The following WDR43 variants were observed in gnomAD, a reference collection of about 807,000 sequenced individuals.
WDR43 encodes WD repeat-containing protein 43.
WDR43 carries 13 observed loss-of-function variants against 91.4 expected under a neutral mutation model. The observed-to-expected ratio is 0.14, with a 90% CI of 0.09 to 0.23. The LOEUF is 0.23. Ranked by LOEUF, WDR43 falls within the 10% of genes least tolerant of loss-of-function variation. The probability of loss-of-function intolerance (pLI) is 1.00; values close to 1 mark genes in which losing one functional copy is unlikely to be tolerated. For synonymous variants in WDR43, 331 were observed against 287.9 expected (o/e 1.15, Z -1.51); for missense variants, 780 against 809.4 (o/e 0.96, Z 0.44).
chr2:28,943,112 T>C (rs1323629838), intron 16 of WDR43, among the ~76,000 whole-genome samples: 3 of 152,206 alleles, frequency 2.0e-5, no homozygotes, highest in Admixed American at 6.5e-5. Flanking sequence ...GAAGGTTATT[T>C]GATCAGGCCT....
chr2:28,907,018 C>T (rs1390153988), intron 3 of WDR43, among the ~76,000 whole-genome samples: 1 of 152,128 alleles, frequency 6.6e-6, no homozygotes, highest in East Asian at 1.9e-4. Flanking sequence ...CAAACTAATT[C>T]AGAGGAGGGA....
At chr2:28,906,652 C>A (rs552727368) in intron 3 of WDR43, 71 bp downstream of exon 3, 4 of 1,527,370 alleles carry the variant, frequency 2.6e-6, no homozygotes, top group African/African-American at 1.4e-5. Context: ...GGAATGCAGA[C>A]ATTAATAAGG....
At chr2:28,899,603 C>T (rs1670543235) in intron 1 of WDR43, among the ~76,000 whole-genome samples, 1 of 152,170 alleles carries the variant, frequency 6.6e-6, no homozygotes, top group Non-Finnish European at 1.5e-5. Context: ...TCTGGAGAGT[C>T]ATTGAAGTTT....
At chr2:28,898,967 T>C (rs1013281547) in intron 1 of WDR43, among the ~76,000 whole-genome samples, 1 of 152,234 alleles carries the variant, frequency 6.6e-6, no homozygotes, top group Non-Finnish European at 1.5e-5. Context: ...ATTCAGATTC[T>C]CCCTCAGCCT....
intron 6 of WDR43, among the ~76,000 whole-genome samples, chr2:28,920,430 G>A (rs953208642): frequency 1.3e-5 from 2 of 151,668 alleles, no homozygotes; most frequent in African/African-American, 2.4e-5. Flanking sequence ...GTTTTGCCAT[G>A]TTGGGAAGGC....
intron 10 of WDR43, 118 bp downstream of exon 10, chr2:28,927,818 C>A: frequency 1.6e-6 from 2 of 1,283,990 alleles, no homozygotes; most frequent in Non-Finnish European, 2.1e-6. Context: ...GAGATTTCTC[C>A]TGTTATGCTC....
chr2:28,927,584 A>G lies in WDR43; in HGVS notation c.1189A>G (p.Met397Val), dbSNP rs1204138620. 6.2e-7 allele frequency: 1 copy of G among 1,613,782 alleles called. No individual in the cohort carries two copies. Among genetic ancestry groups the G allele is most frequent in the Non-Finnish European group, 8.5e-7 (1 of 1,179,850 alleles). ...TGTTGAACAGGTGAGGACACCAGTG[A>G]TGAATTCTGAAGCAAAAGTTCTGGT... ...TAITKVRTPV[M>V]NSEAKVLVPG... Residue 397 changes from methionine (M) to valine (V), a missense_variant, in exon 10 of 18, where the codon ATG becomes GTG. This residue lies in a region of WDR43 where 426 missense variants were observed against 467.8 expected (regional missense o/e 0.91). Transcript: ENST00000407426.
chr2:28,936,999 G>T, intron 13 of WDR43, 46 bp downstream of exon 13: 1 of 1,529,584 alleles, frequency 6.5e-7, no homozygotes, highest in South Asian at 1.2e-5. Flanking sequence ...CTGACAGCAT[G>T]AAATTAAATA....
At chr2:28,923,458 T>C (rs1671075265) in intron 7 of WDR43, among the ~76,000 whole-genome samples, 2 of 152,170 alleles carry the variant, frequency 1.3e-5, no homozygotes, top group Non-Finnish European at 2.9e-5. Flanking sequence ...AAATTTTTAT[T>C]ATTTTGCCCT....
In WDR43 at chr2:28,948,142, T is replaced by C. The variant is rs936702865; in HGVS notation, c.*1363T>C. ...GCTGCTGGTGTAATGTACAGTTATA[T>C]TTGTCTATAAATGGAGCTGTTTATG... On this transcript the variant is annotated 3_prime_UTR_variant, in exon 18 of 18. Coordinates refer to ENST00000407426, the MANE Select transcript of WDR43 (RefSeq NM_015131.3). The C allele has an allele frequency of 6.6e-6, 1 of 152,190 alleles. No homozygotes were observed. The highest frequency in any genetic ancestry group is 1.5e-5 in the Non-Finnish European group (1 of 68,036). The allele number at this position is 152,190 out of a possible 1,614,324, so 9.4% of individuals were successfully genotyped here.
intron 8 of WDR43, 54 bp downstream of exon 8, chr2:28,925,207 A>G: frequency 7.0e-7 from 1 of 1,432,914 alleles, no homozygotes; most frequent in Non-Finnish European, 9.2e-7. Flanking sequence ...TGTCCATGGA[A>G]GAGAGTGATT....
intron 10 of WDR43, among the ~76,000 whole-genome samples, chr2:28,928,238 G>A (rs1374683166): frequency 6.6e-6 from 1 of 152,074 alleles, no homozygotes; most frequent in African/African-American, 2.4e-5. Context: ...AAGGAATCTG[G>A]AATTTTAACT....
At chr2:28,895,059 G>A (rs1670450155) in intron 1 of WDR43, 136 bp downstream of exon 1, 9 of 886,048 alleles carry the variant, frequency 1.0e-5, no homozygotes, top group Non-Finnish European at 1.1e-5. Flanking sequence ...CGGCGTCGGC[G>A]CGTTCAGGGC....
intron 14 of WDR43, among the ~76,000 whole-genome samples, chr2:28,939,932 C>G (rs1035290696): frequency 2.0e-5 from 3 of 151,736 alleles, no homozygotes; most frequent in Admixed American, 1.3e-4. Flanking sequence ...ACGGTGAAAC[C>G]CCGTCTCTAC....
intron 17 of WDR43, 27 bp downstream of exon 17, chr2:28,946,526 A>C (rs996842854): frequency 1.9e-6 from 3 of 1,603,828 alleles, no homozygotes; most frequent in East Asian, 4.5e-5. Context: ...CTGTATATAC[A>C]TCGGCCTTTA....
rs140403566 is a variant in WDR43 at position 28,933,555 on chromosome 2, T to A, written c.1438-1966T>A. Reference sequence around the variant, plus strand: ...TTGAACCTTATCAAAATTAGAAACTTCTGTTCTTGGAAAAACAGTGTTAGG... The same window carrying A: ...TTGAACCTTATCAAAATTAGAAACTACTGTTCTTGGAAAAACAGTGTTAGG... On this transcript the variant is annotated intron_variant, in intron 11 of 17. Coordinates refer to ENST00000407426, the MANE Select transcript of WDR43 (RefSeq NM_015131.3). Among the ~76,000 whole-genome samples the A allele has an allele frequency of 6.6e-4, 101 of 152,306 alleles. 1 individual carries two copies. The highest frequency in any genetic ancestry group is 6.4e-3 in the East Asian group (33 of 5,186).
chr2:28,913,630 A>G (rs1424143294), intron 4 of WDR43: 1 of 518,456 alleles, frequency 1.9e-6, no homozygotes, highest in East Asian at 5.4e-5. Context: ...TTGGAGGAGG[A>G]AAAAGCTTTC....
At position 28,922,990 on chromosome 2, in the gene WDR43, A is replaced by C; in HGVS notation, c.914+7A>C. Reference sequence around the variant, plus strand: ...TTGAACACATATTAAATGGGTAAGTAAGAAATTTTCCAAGTAAGAAATTTG... The same window carrying C: ...TTGAACACATATTAAATGGGTAAGTCAGAAATTTTCCAAGTAAGAAATTTG... On this transcript the variant is annotated splice_region_variant and intron_variant, in intron 7 of 17. Coordinates refer to ENST00000407426, the MANE Select transcript of WDR43 (RefSeq NM_015131.3). 3.1e-6 allele frequency: 5 copies of C among 1,606,958 alleles called. No individual in the cohort carries two copies. The highest frequency in any genetic ancestry group is 4.2e-6 in the Non-Finnish European group (5 of 1,176,796).
intron 10 of WDR43, 69 bp from the exon 11 acceptor site, chr2:28,929,504 TATTTTA>T: frequency 8.0e-7 from 1 of 1,257,458 alleles, no homozygotes; most frequent in South Asian, 2.2e-5. Flanking sequence ...TATTTTATTT[TATTTTA>T]TTTTTTTTGT....
Sources: gnomAD v4.1 joint callset for allele counts (sites outside exome capture counted in the v4.1 genomes callset) on GRCh38, gnomAD v4.1.1 for gene constraint, gnomAD v4.1.1 regional missense constraint, MANE v1.5 for transcripts, NCBI Gene and HGNC (gene_info 2026-07-23, HGNC 2026-07-21) for gene names.